The following COPG2 variants were observed in gnomAD, a reference collection of about 807,000 sequenced individuals.
COPG2 encodes the protein coat protein complex I subunit gamma 2.
Under a neutral mutation model 46.3 loss-of-function variants are expected in COPG2, and 37 were observed. The observed-to-expected ratio is 0.80, with a 90% CI of 0.61 to 1.05. The LOEUF (loss-of-function observed/expected upper bound fraction) is 1.05. Among genes scored for constraint, COPG2 ranks in the 50% least tolerant of loss-of-function variants. The pLI, the probability that COPG2 is intolerant of heterozygous loss-of-function variation, is 0.00. For missense variants in COPG2, 427 were observed against 387.8 expected (o/e 1.10, Z -0.85); for synonymous variants, 159 against 129.7 (o/e 1.23, Z -1.53).
chr7:130,570,670 T>C (rs889458728), intron 9 of COPG2, among the ~76,000 whole-genome samples: 1 of 152,042 alleles, frequency 6.6e-6, no homozygotes. Flanking sequence ...ACCACCATCA[T>C]TCTTCACAGA....
chr7:130,515,058 T>C lies in COPG2; in HGVS notation c.2150-6399A>G, dbSNP rs928133703. On this transcript the variant is annotated intron_variant, in intron 20 of 23. Coordinates refer to ENST00000425248, the MANE Select transcript of COPG2 (RefSeq NM_012133.6). Reference sequence around the variant, plus strand: ...AGTTGAAGAGCAATGCTTCTTAGAATGTGTTACATGGCACTATCTAGGAAT... The same window carrying C: ...AGTTGAAGAGCAATGCTTCTTAGAACGTGTTACATGGCACTATCTAGGAAT... Among the ~76,000 whole-genome samples, 1,244 of 152,290 alleles carry C rather than the reference T, an allele frequency of 8.2e-3. 9 individuals carry two copies. Among genetic ancestry groups the C allele is most frequent in the Middle Eastern group, 0.034 (10 of 294 alleles).
chr7:130,628,857 C>T (rs1160575872), intron 5 of COPG2, among the ~76,000 whole-genome samples: 1 of 152,074 alleles, frequency 6.6e-6, no homozygotes, highest in Non-Finnish European at 1.5e-5. Context: ...CCAGTCTGAG[C>T]ATCGTAATGA....
intron 20 of COPG2, among the ~76,000 whole-genome samples, chr7:130,541,751 C>T (rs1166755535): frequency 2.0e-5 from 3 of 147,640 alleles, no homozygotes; most frequent in Non-Finnish European, 3.0e-5. Context: ...GACAGCAGAG[C>T]GTGTGGATTC....
At position 130,617,082 on chromosome 7, in the gene COPG2, T is replaced by G; in HGVS notation, c.324-17A>C. ...TTAGTCAGACTAAGAAAAATCAAAT[T>G]GGTTAACATAAGATCAATTAAAATC... On this transcript the variant is annotated splice_polypyrimidine_tract_variant and intron_variant, in intron 5 of 23. Coordinates refer to ENST00000425248, the MANE Select transcript of COPG2 (RefSeq NM_012133.6). 6.4e-7 allele frequency: 1 copy of G among 1,558,840 alleles called. No homozygotes were observed. Among genetic ancestry groups the G allele is most frequent in the Non-Finnish European group, 8.8e-7 (1 of 1,133,218 alleles).
intron 9 of COPG2, among the ~76,000 whole-genome samples, chr7:130,567,090 G>C (rs1793816469): frequency 1.3e-5 from 2 of 152,198 alleles, no homozygotes; most frequent in South Asian, 4.1e-4. Flanking sequence ...TATGTCCATT[G>C]CAGCAACATC....
chr7:130,648,929 C>T (rs1229155340), intron 5 of COPG2, among the ~76,000 whole-genome samples: 1 of 152,182 alleles, frequency 6.6e-6, no homozygotes, highest in Non-Finnish European at 1.5e-5. Flanking sequence ...CATAGGTCCA[C>T]AGATGAAGAG....
intron 9 of COPG2, among the ~76,000 whole-genome samples, chr7:130,596,753 C>T (rs1031100768): frequency 6.6e-6 from 1 of 152,208 alleles, no homozygotes; most frequent in Non-Finnish European, 1.5e-5. Flanking sequence ...CCCAGAGCAT[C>T]CACAGCCACA....
intron 9 of COPG2, among the ~76,000 whole-genome samples, chr7:130,582,176 C>A: frequency 6.9e-6 from 1 of 145,832 alleles, no homozygotes; most frequent in Admixed American, 6.9e-5. Context: ...AGAACAGAGC[C>A]CTCAGAAATA....
intron 20 of COPG2, among the ~76,000 whole-genome samples, chr7:130,542,417 G>A (rs919020353): frequency 7.2e-5 from 11 of 152,058 alleles, no homozygotes; most frequent in Non-Finnish European, 1.6e-4. Context: ...CTTAGAGGCA[G>A]AACTGAGAAT....
At chr7:130,529,765 G>C (rs1245336658) in intron 20 of COPG2, among the ~76,000 whole-genome samples, 2 of 152,212 alleles carry the variant, frequency 1.3e-5, no homozygotes, top group Non-Finnish European at 2.9e-5. Context: ...GTGGACTCAA[G>C]CAGACTGATC....
chr7:130,638,704 C>T (rs998021772), intron 5 of COPG2, among the ~76,000 whole-genome samples: 4 of 151,978 alleles, frequency 2.6e-5, no homozygotes, highest in Non-Finnish European at 5.9e-5. Context: ...CACTTGGCTC[C>T]CTGGCTTCAG....
intron 20 of COPG2, among the ~76,000 whole-genome samples, chr7:130,533,268 A>G (rs1799846497): frequency 6.6e-6 from 1 of 151,744 alleles, no homozygotes; most frequent in Non-Finnish European, 1.5e-5. Flanking sequence ...TCACAAGGAG[A>G]AAGAGACAGC....
intron 9 of COPG2, chr7:130,604,832 A>C: frequency 4.4e-6 from 2 of 457,018 alleles, no homozygotes; most frequent in South Asian, 1.7e-5. Context: ...CAGAATAATC[A>C]TGTTCCCTTC....
intron 9 of COPG2, among the ~76,000 whole-genome samples, chr7:130,567,751 T>TAA (rs1473249579): frequency 6.6e-6 from 1 of 152,158 alleles, no homozygotes; most frequent in African/African-American, 2.4e-5. Context: ...TCTTTTCAGA[T>TAA]AAACAGATGC....
chr7:130,583,805 CAAAAAAAAAAAAAAAAA>C (rs1168370976), intron 9 of COPG2, among the ~76,000 whole-genome samples: 25 of 12,356 alleles, frequency 2.0e-3, no homozygotes, highest in South Asian at 0.02. Flanking sequence ...GACTCCATCT[CAAAAAAAAAAAAAAAAA>C]AAAAAAAAAA....
At chr7:130,585,619 G>T (rs2116448619) in intron 9 of COPG2, among the ~76,000 whole-genome samples, 1 of 151,806 alleles carries the variant, frequency 6.6e-6, no homozygotes, top group Admixed American at 6.6e-5. Flanking sequence ...TAACAAATCA[G>T]TAAGAAAAAA....
intron 20 of COPG2, chr7:130,510,930 A>G: frequency 7.7e-6 from 4 of 520,080 alleles, no homozygotes; most frequent in Non-Finnish European, 1.5e-5. Flanking sequence ...AGCAAGGCAA[A>G]TACCAAAGAG....
rs1445621676 is a variant in COPG2, at chr7:130,506,558, A to T, written c.*118T>A. ...TCTGCTGGCTCAGGGCCAAATGTTT[A>T]ATTTGCTTCTCCAAAGTCATTCATC... On this transcript the variant is annotated 3_prime_UTR_variant, in exon 24 of 24. Coordinates refer to ENST00000425248, the MANE Select transcript of COPG2 (RefSeq NM_012133.6). 1 of 504,748 alleles carries T rather than the reference A, an allele frequency of 2.0e-6. No homozygotes were observed. The highest frequency in any genetic ancestry group is 2.0e-5 in the African/African-American group (1 of 50,154). The allele number at this position is 504,748 out of a possible 1,614,324, so 31.3% of individuals were successfully genotyped here.
chr7:130,608,274 T>A (rs781960413), intron 9 of COPG2: 1 of 429,950 alleles, frequency 2.3e-6, no homozygotes, highest in Non-Finnish European at 4.6e-6. Flanking sequence ...ACTATTTTCA[T>A]ATATTTCACT....
Sources: gnomAD v4.1 joint callset for allele counts (sites outside exome capture counted in the v4.1 genomes callset) on GRCh38, gnomAD v4.1.1 for gene constraint, MANE v1.5 for transcripts, NCBI Gene and HGNC (gene_info 2026-07-23, HGNC 2026-07-21) for gene names.